ERGIC1: variants seen among roughly 807,000 people sequenced by gnomAD.
ERGIC1 encodes endoplasmic reticulum-Golgi intermediate compartment protein 1.
In ERGIC1, 19 loss-of-function variants were observed where a neutral mutation model predicts 38.3. The ratio of observed to expected loss-of-function variants is 0.50; its 90% CI spans 0.35 to 0.73. The LOEUF (loss-of-function observed/expected upper bound fraction) is 0.73, where lower values mean the gene tolerates loss of function less well. Ranked by LOEUF, ERGIC1 falls within the 30% of genes least tolerant of loss-of-function variation. The pLI, the probability that ERGIC1 is intolerant of heterozygous loss-of-function variation, is 0.01. For synonymous variants in ERGIC1, 124 were observed against 157.6 expected (o/e 0.79, Z 1.60); for missense variants, 294 against 389.2 (o/e 0.76, Z 2.06).
At position 172,931,857 on chromosome 5, in the gene ERGIC1, CTTTTTTT is replaced by C. The variant is rs375589121; in HGVS notation, c.542-566_542-560del. 3.3e-5 allele frequency among the ~76,000 whole-genome samples: 4 copies of C among 123,062 alleles called. No individual in the cohort carries two copies. In the South Asian group the frequency reaches 7.8e-4, roughly 24 times the overall value. The allele number at this position is 123,062 out of a possible 152,430, so 80.7% of individuals were successfully genotyped here. On this transcript the variant is annotated intron_variant, in intron 7 of 9. Coordinates refer to ENST00000393784, the MANE Select transcript of ERGIC1 (RefSeq NM_001031711.3). ...AGAATAGCTGCTCCTAGCACCCACA[CTTTTTTT>C]TTTTTTTTTTTTGAGACAGAGTCTT...
intron 1 of ERGIC1, among the ~76,000 whole-genome samples, chr5:172,845,302 G>GC (rs1180322011): frequency 3.9e-5 from 6 of 152,156 alleles, no homozygotes; most frequent in Non-Finnish European, 8.8e-5. Flanking sequence ...AGGAGGCCGG[G>GC]CCTGGTGACC....
At chr5:172,896,767 CAGG>C in intron 2 of ERGIC1, among the ~76,000 whole-genome samples, 1 of 152,372 alleles carries the variant, frequency 6.6e-6, no homozygotes, top group East Asian at 1.9e-4. Context: ...GGGCCAGCCC[CAGG>C]AGGATTGCTC....
intron 5 of ERGIC1, among the ~76,000 whole-genome samples, chr5:172,919,805 C>T (rs984008050): frequency 1.3e-5 from 2 of 152,162 alleles, no homozygotes; most frequent in African/African-American, 4.8e-5. Context: ...GTGGAAGGCA[C>T]ATGGAGGGCG....
chr5:172,862,805 T>C (rs1158038426), intron 1 of ERGIC1, among the ~76,000 whole-genome samples: 1 of 152,218 alleles, frequency 6.6e-6, no homozygotes, highest in Non-Finnish European at 1.5e-5. Context: ...TTAAAAAGCT[T>C]GCATAGATGA....
At chr5:172,899,906 C>G (rs1762827917) in intron 3 of ERGIC1, among the ~76,000 whole-genome samples, 2 of 152,228 alleles carry the variant, frequency 1.3e-5, no homozygotes, top group Non-Finnish European at 2.9e-5. Context: ...ACTTTAATAT[C>G]ATAAGGTCCA....
At chr5:172,866,074 G>GT (rs1402973895) in intron 1 of ERGIC1, among the ~76,000 whole-genome samples, 2 of 152,168 alleles carry the variant, frequency 1.3e-5, no homozygotes, top group African/African-American at 2.4e-5. Context: ...GATCCTTTGA[G>GT]TGAGTATAAA....
chr5:172,892,062 G>GTTTTTTTTTT (rs573472747), intron 2 of ERGIC1, among the ~76,000 whole-genome samples: 2 of 90,226 alleles, frequency 2.2e-5, no homozygotes, highest in African/African-American at 4.1e-5. Flanking sequence ...TAAAGAGTAT[G>GTTTTTTTTTT]TTTTTTTTTT....
chr5:172,897,095 G>A (rs1264445169), intron 3 of ERGIC1, 21 bp downstream of exon 3: 15 of 1,611,136 alleles, frequency 9.3e-6, no homozygotes, highest in Admixed American at 1.7e-5. Context: ...CTTTCCCGAT[G>A]GGGCATTCCA....
At chr5:172,896,167 A>G (rs977437853) in intron 2 of ERGIC1, among the ~76,000 whole-genome samples, 2 of 151,772 alleles carry the variant, frequency 1.3e-5, no homozygotes, top group African/African-American at 4.8e-5. Flanking sequence ...ACATGGTGAA[A>G]CCCCGTCTCT....
At chr5:172,885,034 C>T (rs1231550183) in intron 1 of ERGIC1, among the ~76,000 whole-genome samples, 1 of 152,214 alleles carries the variant, frequency 6.6e-6, no homozygotes, top group African/African-American at 2.4e-5. Flanking sequence ...TGAACTTAGA[C>T]ACTCTGCCCC....
chr5:172,899,056 G>T (rs570802598), intron 3 of ERGIC1, among the ~76,000 whole-genome samples: 238 of 152,292 alleles, frequency 1.6e-3, no homozygotes, highest in African/African-American at 5.3e-3. Flanking sequence ...GGCCTGTCAT[G>T]TTCTGAGCAA....
intron 6 of ERGIC1, among the ~76,000 whole-genome samples, chr5:172,925,812 C>T (rs1428482028): frequency 6.6e-6 from 1 of 152,176 alleles, no homozygotes; most frequent in Non-Finnish European, 1.5e-5. Context: ...TAGCATGCTC[C>T]ATTTACCAGG....
rs1763582566 is a variant in ERGIC1, at chr5:172,923,642, AG to A, written c.376-361del. Reference sequence around the variant, plus strand: ...AATCCCCATTAGTCTGCAAGCTCAAAGGTCATCCCCCAGCTGACTGTGGGGT... The same window carrying A: ...AATCCCCATTAGTCTGCAAGCTCAAAGTCATCCCCCAGCTGACTGTGGGGT... On this transcript the variant is annotated intron_variant, in intron 5 of 9. Coordinates refer to ENST00000393784, the MANE Select transcript of ERGIC1 (RefSeq NM_001031711.3). Among the ~76,000 whole-genome samples, 3 of 152,160 alleles carry A rather than the reference AG, an allele frequency of 2.0e-5. No homozygotes were observed. In the South Asian group the frequency reaches 6.2e-4, roughly 31 times the overall value.
At chr5:172,868,051 C>T (rs912258525) in intron 1 of ERGIC1, among the ~76,000 whole-genome samples, 2 of 152,152 alleles carry the variant, frequency 1.3e-5, no homozygotes, top group African/African-American at 4.8e-5. Context: ...AGAGAGAAGC[C>T]ATAGAAAGCT....
intron 4 of ERGIC1, 125 bp from the exon 5 acceptor site, chr5:172,914,589 C>G: frequency 6.6e-7 from 1 of 1,508,670 alleles, no homozygotes; most frequent in Non-Finnish European, 9.1e-7. Context: ...ACCATGAGCT[C>G]CTGGAGGTCC....
At chr5:172,876,464 A>C (rs867004332) in intron 1 of ERGIC1, among the ~76,000 whole-genome samples, 4 of 152,192 alleles carry the variant, frequency 2.6e-5, no homozygotes, top group East Asian at 3.8e-4. Flanking sequence ...AGGATCTTAA[A>C]GGTGTCCAAC....
chr5:172,910,331 A>C (rs1763174316), intron 4 of ERGIC1, among the ~76,000 whole-genome samples: 1 of 152,104 alleles, frequency 6.6e-6, no homozygotes, highest in South Asian at 2.1e-4. Context: ...CCGGTCAGCC[A>C]AGAGCATTCA....
At chr5:172,947,577 A>G (rs1269822411) in intron 9 of ERGIC1, among the ~76,000 whole-genome samples, 1 of 152,158 alleles carries the variant, frequency 6.6e-6, no homozygotes, top group African/African-American at 2.4e-5. Context: ...ATGCGGGGTG[A>G]TGGGGGCACG....
intron 1 of ERGIC1, among the ~76,000 whole-genome samples, chr5:172,840,621 G>A (rs981073664): frequency 5.3e-5 from 8 of 152,172 alleles, no homozygotes; most frequent in Non-Finnish European, 7.4e-5. Flanking sequence ...AGGCTGGGGC[G>A]TGGAGTTCCC....
Sources: allele counts gnomAD v4.1 joint callset (sites outside exome capture counted in the v4.1 genomes callset), GRCh38; gene constraint gnomAD v4.1.1; transcripts MANE v1.5; gene names NCBI Gene and HGNC (gene_info 2026-07-23, HGNC 2026-07-21).